The following CAMK4 variants were observed in gnomAD, a reference collection of about 807,000 sequenced individuals.
The protein encoded by CAMK4 is calcium/calmodulin dependent protein kinase IV.
CAMK4 carries 22 observed loss-of-function variants against 44.9 expected under a neutral mutation model. The observed-to-expected ratio is 0.49, with a 90% CI of 0.35 to 0.70. The LOEUF (loss-of-function observed/expected upper bound fraction) is 0.70, where lower values mean the gene tolerates loss of function less well. Ranked by LOEUF, CAMK4 falls within the 30% of genes least tolerant of loss-of-function variation. The probability of loss-of-function intolerance (pLI) is 0.01; values close to 1 mark genes in which losing one functional copy is unlikely to be tolerated. For synonymous variants in CAMK4, 218 were observed against 215.4 expected, an observed-to-expected ratio of 1.01 and a Z score of -0.11; for missense variants, 498 against 586.8, an observed-to-expected ratio of 0.85 and a Z score of 1.56.
intron 5 of CAMK4, among the ~76,000 whole-genome samples, chr5:111,416,178 T>C (rs1752807162): frequency 6.6e-6 from 1 of 152,038 alleles, no homozygotes; most frequent in Non-Finnish European, 1.5e-5. Context: ...CCAAAATAAT[T>C]TCCAGAAAAA....
chr5:111,327,953 C>CT lies in CAMK4; in HGVS notation c.162-16071_162-16070insT. Among the ~76,000 whole-genome samples, 2 of 100,148 alleles carry CT rather than the reference C, an allele frequency of 2.0e-5. 1 individual carries two copies. The allele number at this position is 100,148 out of a possible 152,430, so 65.7% of individuals were successfully genotyped here. A position where few individuals can be genotyped will look rare whatever the true frequency, so the allele number is the denominator to read the frequency against. On this transcript the variant is annotated intron_variant, in intron 1 of 10. Coordinates refer to ENST00000282356, the MANE Select transcript of CAMK4 (RefSeq NM_001744.6). ...AGGTTGCAGAAATTTTCTCCCATGT[C>CT]GTAGGTTGCCTGTTCACTCTGATGG...
chr5:111,251,475 C>T (rs1447455183), intron 1 of CAMK4, among the ~76,000 whole-genome samples: 4 of 152,164 alleles, frequency 2.6e-5, no homozygotes, highest in Non-Finnish European at 5.9e-5. Context: ...AGAGAACTTC[C>T]TAACAAGACA....
intron 7 of CAMK4, among the ~76,000 whole-genome samples, chr5:111,468,175 G>A (rs1252514388): frequency 6.6e-6 from 1 of 152,144 alleles, no homozygotes; most frequent in African/African-American, 2.4e-5. Flanking sequence ...TCAGGGGAAA[G>A]GGTGGGAGTG....
chr5:111,329,486 A>G (rs1166359770), intron 1 of CAMK4, among the ~76,000 whole-genome samples: 1 of 151,944 alleles, frequency 6.6e-6, no homozygotes, highest in African/African-American at 2.4e-5. Flanking sequence ...TGAGGGCAGC[A>G]TAACACTAAT....
At position 111,482,761 on chromosome 5, in the gene CAMK4, G is replaced by A; in HGVS notation, c.829-24G>A. 5 of 1,596,052 alleles carry A rather than the reference G, an allele frequency of 3.1e-6. No homozygotes were observed. Among genetic ancestry groups the A allele is most frequent in the East Asian group, 4.5e-5 (2 of 44,444 alleles). Reference sequence around the variant, plus strand: ...CAGGTCATCCTAAAAACCTCGCTAAGTTTATGGTTCTTTATTATTTCAGGT... The same window carrying A: ...CAGGTCATCCTAAAAACCTCGCTAAATTTATGGTTCTTTATTATTTCAGGT... On this transcript the variant is annotated intron_variant, in intron 9 of 10. Coordinates refer to ENST00000282356, the MANE Select transcript of CAMK4 (RefSeq NM_001744.6). This position sits in a 1 kb window ranked among gnomAD's most constrained non-coding sequence, Gnocchi z 4.9.
intron 7 of CAMK4, among the ~76,000 whole-genome samples, chr5:111,457,621 T>G (rs1475915456): frequency 3.3e-5 from 5 of 152,214 alleles, no homozygotes; most frequent in Non-Finnish European, 7.3e-5. Context: ...GCTTAACTCT[T>G]AACAAAACAG....
intron 1 of CAMK4, among the ~76,000 whole-genome samples, chr5:111,250,361 G>C (rs923981204): frequency 6.6e-6 from 1 of 152,114 alleles, no homozygotes; most frequent in Admixed American, 6.5e-5. Context: ...CTTTAAAGAA[G>C]GAAGATATTC....
intron 5 of CAMK4, among the ~76,000 whole-genome samples, chr5:111,422,026 G>T (rs1401962166): frequency 6.6e-6 from 1 of 152,202 alleles, no homozygotes; most frequent in Admixed American, 6.5e-5. Flanking sequence ...GGAACTGTGA[G>T]TCCATTAAAC....
At chr5:111,250,725 G>A (rs1357485429) in intron 1 of CAMK4, among the ~76,000 whole-genome samples, 1 of 151,984 alleles carries the variant, frequency 6.6e-6, no homozygotes, top group African/African-American at 2.4e-5. Flanking sequence ...TCACCACTAT[G>A]ATCTTTTCTG....
chr5:111,257,491 A>C (rs1030477712), intron 1 of CAMK4, among the ~76,000 whole-genome samples: 7 of 152,208 alleles, frequency 4.6e-5, no homozygotes, highest in African/African-American at 1.4e-4. Flanking sequence ...AAAAGTCAAG[A>C]AACAACAGAT....
In CAMK4 at chr5:111,469,155, AAAAAAAAAAAAAAAAAAATATAT is replaced by A. The variant is rs1395391423; in HGVS notation, c.626-4154_626-4132del. Among the ~76,000 whole-genome samples, 160 of 88,634 alleles carry A rather than the reference AAAAAAAAAAAAAAAAAAATATAT, an allele frequency of 1.8e-3. 1 individual carries two copies. Among genetic ancestry groups the A allele is most frequent in the African/African-American group, 7.8e-3 (151 of 19,306 alleles). The allele number at this position is 88,634 out of a possible 152,430, so 58.1% of individuals were successfully genotyped here. ...GTGAAACTCCATCTCAAAAAAAAAA[AAAAAAAAAAAAAAAAAAATATAT>A]ATATATATATATATATATATATATA... is the stretch of plus-strand genomic sequence containing the variant. On this transcript the variant is annotated intron_variant, in intron 7 of 10. Transcript: ENST00000282356.
chr5:111,463,237 T>G (rs1754700699), intron 7 of CAMK4, among the ~76,000 whole-genome samples: 3 of 152,136 alleles, frequency 2.0e-5, no homozygotes, highest in African/African-American at 7.2e-5. Flanking sequence ...AGATGATGAT[T>G]CTAAGTCTTT....
chr5:111,467,492 A>C (rs951360230), intron 7 of CAMK4, among the ~76,000 whole-genome samples: 2 of 152,116 alleles, frequency 1.3e-5, no homozygotes, highest in African/African-American at 2.4e-5. Context: ...AGGAACTCAT[A>C]CAGATCAGCA....
At chr5:111,446,288 C>G (rs2112971931) in intron 5 of CAMK4, among the ~76,000 whole-genome samples, 1 of 152,296 alleles carries the variant, frequency 6.6e-6, no homozygotes, top group South Asian at 2.1e-4. Flanking sequence ...CTTTGCTATA[C>G]AGGTTTATAA....
At chr5:111,299,603 A>G (rs1747636497) in intron 1 of CAMK4, among the ~76,000 whole-genome samples, 1 of 152,234 alleles carries the variant, frequency 6.6e-6, no homozygotes, top group Non-Finnish European at 1.5e-5. Flanking sequence ...TATTGAATAT[A>G]TTTTGAATAT....
At chr5:111,322,684 C>G (rs1482822488) in intron 1 of CAMK4, among the ~76,000 whole-genome samples, 1 of 151,624 alleles carries the variant, frequency 6.6e-6, no homozygotes, top group Non-Finnish European at 1.5e-5. Flanking sequence ...ATAAAATAGA[C>G]TTGGAGATAA....
At chr5:111,381,235 G>A (rs189412793) in intron 4 of CAMK4, among the ~76,000 whole-genome samples, 2 of 152,272 alleles carry the variant, frequency 1.3e-5, no homozygotes, top group East Asian at 3.9e-4. Context: ...AGAACTAACA[G>A]GATAGATGTA....
intron 5 of CAMK4, among the ~76,000 whole-genome samples, chr5:111,400,204 TA>T (rs1561463508): frequency 6.6e-6 from 1 of 152,198 alleles, no homozygotes; most frequent in African/African-American, 2.4e-5. Context: ...AAAGAAGCTT[TA>T]TAAAAATCAG....
intron 1 of CAMK4, among the ~76,000 whole-genome samples, chr5:111,245,499 C>T (rs1353186937): frequency 1.3e-5 from 2 of 152,146 alleles, no homozygotes; most frequent in Non-Finnish European, 2.9e-5. Flanking sequence ...ATCTTTTCTT[C>T]CTTTCTTGGT....
Sources: allele counts gnomAD v4.1 joint callset (sites outside exome capture counted in the v4.1 genomes callset), GRCh38; gene constraint gnomAD v4.1.1; non-coding constraint Gnocchi (gnomAD v3.1); transcripts MANE v1.5; gene names NCBI Gene and HGNC (gene_info 2026-07-23, HGNC 2026-07-21).